The following WNT8A variants were observed in gnomAD, a reference collection of about 807,000 sequenced individuals.
The protein encoded by WNT8A is protein Wnt-8a.
A neutral mutation model predicts 20.5 loss-of-function variants in WNT8A; 14 were observed. The observed-to-expected ratio is 0.68, with a 90% confidence interval of 0.45 to 1.07. The LOEUF is 1.07. WNT8A is among the 50% of genes least tolerant of loss of function. WNT8A has a pLI of 0.00. For missense variants in WNT8A, 397 were observed against 462.9 expected, an observed-to-expected ratio of 0.86 and a Z score of 1.31; for synonymous variants, 167 against 169.2, an observed-to-expected ratio of 0.99 and a Z score of 0.10.
intron 3 of WNT8A, 85 bp downstream of exon 3, chr5:138,088,016 A>G: frequency 6.4e-7 from 1 of 1,567,184 alleles, no homozygotes; most frequent in Non-Finnish European, 8.6e-7. Context: ...AGAAAGGCTG[A>G]GGGACACAGC....
intron 2 of WNT8A, 136 bp from the exon 3 acceptor site, chr5:138,087,670 A>AG: frequency 1.2e-6 from 1 of 864,072 alleles, no homozygotes; most frequent in Non-Finnish European, 1.6e-6. Context: ...AAAAAAAAAA[A>AG]AAAAGAAAGA....
the WNT8A span, among the ~76,000 whole-genome samples, chr5:138,078,920 G>A: frequency 6.6e-6 from 1 of 152,176 alleles, no homozygotes; most frequent in African/African-American, 2.4e-5. Context: ...ATTAGAGGTG[G>A]AAGGGGTCTT....
intron 2 of WNT8A, among the ~76,000 whole-genome samples, chr5:138,087,065 A>T (rs1488394323): frequency 2.8e-5 from 4 of 143,226 alleles, no homozygotes; most frequent in South Asian, 2.2e-4. Context: ...AATAATAATT[A>T]AAAAAAAATA....
chr5:138,091,755 G>C (rs982726705), downstream of WNT8A, among the ~76,000 whole-genome samples: 11 of 58,620 alleles, frequency 1.9e-4, no homozygotes, highest in Non-Finnish European at 4.3e-4. Context: ...GAGCCCAGGA[G>C]CTCGAGACTA....
chr5:138,087,246 G>A (rs992594719), intron 2 of WNT8A, among the ~76,000 whole-genome samples: 1 of 151,608 alleles, frequency 6.6e-6, no homozygotes, highest in Non-Finnish European at 1.5e-5. Flanking sequence ...TACTCAGGAG[G>A]CTGAGGCAGG....
upstream of WNT8A, among the ~76,000 whole-genome samples, chr5:138,079,151 G>A (rs1035398483): frequency 6.6e-6 from 1 of 151,974 alleles, no homozygotes; most frequent in African/African-American, 2.4e-5. Flanking sequence ...CCTCCCTGTG[G>A]CCTAGAGGGA....
the WNT8A span, among the ~76,000 whole-genome samples, chr5:138,078,790 C>T: frequency 2.0e-5 from 3 of 152,250 alleles, no homozygotes; most frequent in African/African-American, 4.8e-5. Context: ...TAAGGTTCCA[C>T]GAATGGCCTC....
intron 4 of WNT8A, among the ~76,000 whole-genome samples, chr5:138,089,773 C>T (rs1224913294): frequency 6.6e-6 from 1 of 152,148 alleles, no homozygotes; most frequent in African/African-American, 2.4e-5. Context: ...GCCATCCTCC[C>T]ACCTCAGCCT....
At chr5:138,089,970 G>GT (rs1172993732) in intron 4 of WNT8A, among the ~76,000 whole-genome samples, 3 of 152,140 alleles carry the variant, frequency 2.0e-5, no homozygotes. Context: ...CCAGGAAGAG[G>GT]TTTTTTAAGC....
Position 138,084,069 on chromosome 5 carries a change from T to A in WNT8A, c.-59T>A. The A allele has an allele frequency of 6.2e-7, 1 of 1,607,624 alleles. No homozygotes were observed. The highest frequency in any genetic ancestry group is 2.2e-5 in the East Asian group (1 of 44,726). On this transcript the variant is annotated 5_prime_UTR_variant, in exon 1 of 5. Coordinates refer to ENST00000506684, the MANE Select transcript of WNT8A (RefSeq NM_001300939.2). ...GGACTTGGCCCTGAGCTGGACCTGG[T>A]CCACTGGGGTAGGCAGGGCGATGGG...
upstream of WNT8A, among the ~76,000 whole-genome samples, chr5:138,082,532 G>A (rs1212880899): frequency 6.6e-6 from 1 of 151,590 alleles, no homozygotes; most frequent in Non-Finnish European, 1.5e-5. Flanking sequence ...AAGTTGAGAT[G>A]GCACACTTGC....
At chr5:138,092,235 G>A (rs1224344748), downstream of WNT8A, 1 of 152,234 alleles carries the variant, frequency 6.6e-6, no homozygotes, top group Admixed American at 6.5e-5. Context: ...GGATAAAGGA[G>A]AAACTAGAAA....
In WNT8A at chr5:138,091,126, G is replaced by T. The variant is rs140388335; in HGVS notation, c.*53G>T. On this transcript the variant is annotated 3_prime_UTR_variant, in exon 5 of 5. Coordinates refer to ENST00000506684, the MANE Select transcript of WNT8A (RefSeq NM_001300939.2). ...AATTGCATCAGTGGAAGGGGACATA[G>T]CTTCTCTCTTAGAGAGAACAGATTG... The T allele has an allele frequency of 5.6e-4, 888 of 1,574,880 alleles. 3 individuals are homozygous for T. The African/African-American group carries it at 7.9e-3, about 14-fold the overall frequency.
intron 1 of WNT8A, 87 bp from the exon 2 acceptor site, chr5:138,084,411 G>T: frequency 1.3e-6 from 2 of 1,549,680 alleles, no homozygotes; most frequent in Admixed American, 1.9e-5. Flanking sequence ...TCTTAATGGA[G>T]AGCTGGCCCA....
At chr5:138,081,823 T>A (rs1209555521), upstream of WNT8A, among the ~76,000 whole-genome samples, 1 of 152,162 alleles carries the variant, frequency 6.6e-6, no homozygotes, top group Non-Finnish European at 1.5e-5. Context: ...ATATCTAAAA[T>A]TGCTCCAAAT....
In WNT8A at chr5:138,091,434, A is replaced by G; in HGVS notation, c.*361A>G. On this transcript the variant is annotated 3_prime_UTR_variant, in exon 5 of 5. Transcript: ENST00000506684. ...TCCTTTAAATTTCAGACCATGTCCA[A>G]CCCAGCTGTGCTGCTGGGAATCAGG... The G allele has an allele frequency of 1.5e-6, 2 of 1,359,854 alleles. No individual in the cohort carries two copies. The highest frequency in any genetic ancestry group is 1.9e-6 in the Non-Finnish European group (2 of 1,027,282). 84.2% of individuals were successfully genotyped at this position (1,359,854 alleles called of 1,614,324 possible). A position where few individuals can be genotyped will look rare whatever the true frequency, so the allele number is the denominator to read the frequency against.
downstream of WNT8A, among the ~76,000 whole-genome samples, chr5:138,091,828 A>AGAAT (rs1750864376): frequency 7.4e-6 from 1 of 134,950 alleles, no homozygotes; most frequent in Non-Finnish European, 1.7e-5. Context: ...CCCTGACTAA[A>AGAAT]AAATAAATAA....
At chr5:138,081,095 G>A (rs956673907), upstream of WNT8A, among the ~76,000 whole-genome samples, 1 of 151,848 alleles carries the variant, frequency 6.6e-6, no homozygotes, top group Non-Finnish European at 1.5e-5. Flanking sequence ...CAATACAGGC[G>A]GGCGCCTGTA....
At chr5:138,087,649 CAAAAAAAAAAAAAA>C (rs66902804) in intron 2 of WNT8A, among the ~76,000 whole-genome samples, 143 bp from the exon 3 acceptor site, 4 of 70,238 alleles carry the variant, frequency 5.7e-5, no homozygotes, top group South Asian at 6.8e-4. Flanking sequence ...GAGCGAGTCT[CAAAAAAAAAAAAAA>C]AAAAAAAAAA....
Sources: allele counts gnomAD v4.1 joint callset (sites outside exome capture counted in the v4.1 genomes callset), GRCh38; gene constraint gnomAD v4.1.1; transcripts MANE v1.5; gene names NCBI Gene and HGNC (gene_info 2026-07-23, HGNC 2026-07-21).